Variants in EIPR1 observed in about 807,000 individuals in gnomAD.
EIPR1 encodes EARP and GARP complex-interacting protein 1.
In EIPR1, 25 loss-of-function variants were observed where a neutral mutation model predicts 48.1. The ratio of observed to expected loss-of-function variants is 0.52; its 90% CI spans 0.38 to 0.73. The LOEUF is 0.73. Ranked by LOEUF, EIPR1 falls within the 30% of genes least tolerant of loss-of-function variation. The pLI is 0.00. For synonymous variants in EIPR1, 204 were observed against 201.9 expected (o/e 1.01, Z -0.09); for missense variants, 415 against 506.2 (o/e 0.82, Z 1.73).
intron 3 of EIPR1, among the ~76,000 whole-genome samples, chr2:3,328,801 T>C (rs1347624140): frequency 1.5e-4 from 19 of 127,504 alleles, no homozygotes. Flanking sequence ...CAGGCTCCCC[T>C]GAATCAGAGC....
At chr2:3,209,341 C>T (rs948116269) in intron 5 of EIPR1, among the ~76,000 whole-genome samples, 3 of 152,170 alleles carry the variant, frequency 2.0e-5, no homozygotes, top group Admixed American at 1.3e-4. Flanking sequence ...CCAAGTAGGA[C>T]ACAAAACCTC....
chr2:3,228,158 C>T (rs1360330602), intron 4 of EIPR1, among the ~76,000 whole-genome samples: 3 of 152,246 alleles, frequency 2.0e-5, no homozygotes, highest in African/African-American at 7.2e-5. Flanking sequence ...CACTCAATGC[C>T]GGCCCATGAA....
At chr2:3,200,756 G>T (rs1028217660) in intron 5 of EIPR1, among the ~76,000 whole-genome samples, 4 of 152,250 alleles carry the variant, frequency 2.6e-5, no homozygotes, top group African/African-American at 9.6e-5. Context: ...GGCATCCGCG[G>T]TGAGTCTGGT....
intron 3 of EIPR1, among the ~76,000 whole-genome samples, chr2:3,295,299 C>CTG (rs1572407426): frequency 4.1e-5 from 4 of 97,444 alleles, no homozygotes; most frequent in Non-Finnish European, 6.3e-5. Flanking sequence ...CGTCCTCTCT[C>CTG]CACACACACC....
chr2:3,237,780 AG>A (rs1666461485), intron 4 of EIPR1, among the ~76,000 whole-genome samples: 1 of 152,204 alleles, frequency 6.6e-6, no homozygotes, highest in Non-Finnish European at 1.5e-5. Context: ...GCTTCCGTCC[AG>A]CGGGGAGAAT....
chr2:3,270,831 T>C (rs1345448143), intron 3 of EIPR1, among the ~76,000 whole-genome samples: 2 of 152,222 alleles, frequency 1.3e-5, no homozygotes, highest in Non-Finnish European at 2.9e-5. Context: ...GTTTCTTAGA[T>C]AACAATGAAG....
chr2:3,246,554 C>T (rs545297385), intron 4 of EIPR1, among the ~76,000 whole-genome samples: 1 of 152,266 alleles, frequency 6.6e-6, no homozygotes, highest in African/African-American at 2.4e-5. Flanking sequence ...CCTCCATCTA[C>T]ACTGAGGGGA....
At chr2:3,347,696 G>T (rs773979238) in intron 2 of EIPR1, among the ~76,000 whole-genome samples, 3 of 152,228 alleles carry the variant, frequency 2.0e-5, no homozygotes, top group Non-Finnish European at 4.4e-5. Context: ...GAACTTGAAA[G>T]CTGGAAAAAA....
At chr2:3,354,399 A>T (rs975928914) in intron 2 of EIPR1, 151 bp downstream of exon 2, 1 of 677,424 alleles carries the variant, frequency 1.5e-6, no homozygotes, top group Admixed American at 2.9e-5. Context: ...ATATTCTTTG[A>T]TTTGAAGATA....
At chr2:3,214,971 C>T (rs1431662595) in intron 4 of EIPR1, among the ~76,000 whole-genome samples, 5 of 152,148 alleles carry the variant, frequency 3.3e-5, no homozygotes, top group African/African-American at 7.2e-5. Flanking sequence ...CTCTCCATCA[C>T]GTGAGGACAC....
intron 3 of EIPR1, among the ~76,000 whole-genome samples, chr2:3,306,787 G>A (rs1418105349): frequency 1.3e-5 from 2 of 152,014 alleles, no homozygotes; most frequent in Non-Finnish European, 2.9e-5. Context: ...GCTGCCTCAG[G>A]GGCAGCAGAG....
chr2:3,277,790 GA>G (rs1193141309), intron 3 of EIPR1, among the ~76,000 whole-genome samples: 1 of 152,180 alleles, frequency 6.6e-6, no homozygotes, highest in East Asian at 1.9e-4. Flanking sequence ...TGACTGCTGC[GA>G]ACATTGCTGC....
rs564330739 is a variant in EIPR1, at chr2:3,321,136, G to C, written c.259+16881C>G. On this transcript the variant is annotated intron_variant, in intron 3 of 8. Transcript: ENST00000382125. ...CCTCCCGGCCCAGGGAGAGCTCTCG[G>C]GAATGTGCTCCAAACGACAGCTCCC... is the stretch of plus-strand genomic sequence containing the variant. Among the ~76,000 whole-genome samples the C allele has an allele frequency of 3.3e-5, 5 of 152,254 alleles. No individual in the cohort carries two copies. In the South Asian group the frequency reaches 1.0e-3, roughly 32 times the overall value.
intron 4 of EIPR1, among the ~76,000 whole-genome samples, chr2:3,253,041 G>A (rs538557731): frequency 2.6e-5 from 4 of 152,254 alleles, no homozygotes; most frequent in Admixed American, 6.5e-5. Context: ...CATCAACATC[G>A]ACACAGGCTT....
intron 3 of EIPR1, among the ~76,000 whole-genome samples, chr2:3,316,468 C>T (rs1039659941): frequency 6.6e-6 from 1 of 152,086 alleles, no homozygotes; most frequent in South Asian, 2.1e-4. Context: ...ATTTAAGTCC[C>T]ATACTTCTAC....
At chr2:3,248,528 A>G (rs1485011683) in intron 4 of EIPR1, among the ~76,000 whole-genome samples, 22 of 151,830 alleles carry the variant, frequency 1.4e-4, no homozygotes, top group Non-Finnish European at 3.2e-4. Context: ...CTGGCGGAAG[A>G]GGCTGCAGTG....
chr2:3,260,029 A>C (rs1667278355), intron 3 of EIPR1, among the ~76,000 whole-genome samples: 1 of 152,266 alleles, frequency 6.6e-6, no homozygotes, highest in Admixed American at 6.5e-5. Flanking sequence ...AGATTCCTTA[A>C]ATGGCAGGAA....
At chr2:3,245,507 C>T (rs974489538) in intron 4 of EIPR1, among the ~76,000 whole-genome samples, 3 of 152,212 alleles carry the variant, frequency 2.0e-5, no homozygotes, top group Non-Finnish European at 4.4e-5. Context: ...GCCACCATGC[C>T]CAGCCTCATT....
intron 1 of EIPR1, among the ~76,000 whole-genome samples, chr2:3,362,039 G>A (rs1033795726): frequency 6.6e-6 from 1 of 152,200 alleles, no homozygotes; most frequent in Non-Finnish European, 1.5e-5. Context: ...TTCCAAATGC[G>A]AATCTGGTGC....
Sources: gnomAD v4.1 joint callset for allele counts (sites outside exome capture counted in the v4.1 genomes callset) on GRCh38, gnomAD v4.1.1 for gene constraint, MANE v1.5 for transcripts, NCBI Gene and HGNC (gene_info 2026-07-23, HGNC 2026-07-21) for gene names.